Variants in C22orf23 observed in about 807,000 individuals in gnomAD.
C22orf23 encodes the protein UPF0193 protein EVG1.
Under a neutral mutation model 29.7 loss-of-function variants are expected in C22orf23, and 30 were observed. The ratio of observed to expected loss-of-function variants is 1.01; its 90% CI spans 0.76 to 1.37. The LOEUF (loss-of-function observed/expected upper bound fraction) is 1.37. Ranked by LOEUF, C22orf23 falls within the 40% of genes most tolerant of loss-of-function variation. The probability of loss-of-function intolerance (pLI) is 0.00; values close to 1 mark genes in which losing one functional copy is unlikely to be tolerated. For synonymous variants in C22orf23, 90 were observed against 96.1 expected, an observed-to-expected ratio of 0.94 and a Z score of 0.37; for missense variants, 237 against 273.1, an observed-to-expected ratio of 0.87 and a Z score of 0.93.
intron 3 of C22orf23, 136 bp from the exon 4 acceptor site, chr22:37,947,599 C>T (rs968801841): frequency 1.5e-6 from 1 of 679,162 alleles, no homozygotes; most frequent in Non-Finnish European, 2.3e-6. Flanking sequence ...CAACCTCTGC[C>T]TCTTAGGTTC....
At chr22:37,951,676 C>T (rs954355654) in intron 2 of C22orf23, 154 bp from the exon 3 acceptor site, 9 of 471,780 alleles carry the variant, frequency 1.9e-5, no homozygotes, top group Middle Eastern at 5.5e-4. Context: ...ATAGCACTTA[C>T]GACCACCTAA....
intron 4 of C22orf23, among the ~76,000 whole-genome samples, chr22:37,945,514 A>C (rs1601846927): frequency 8.2e-6 from 1 of 122,460 alleles, no homozygotes; most frequent in African/African-American, 3.1e-5. Context: ...TTTTTTTTTG[A>C]GACAAGGTCT....
intron 4 of C22orf23, among the ~76,000 whole-genome samples, chr22:37,946,325 C>G (rs942475929): frequency 4.6e-5 from 7 of 151,878 alleles, no homozygotes; most frequent in Admixed American, 2.6e-4. Context: ...ACTTGGGAGG[C>G]TGAGGCATGA....
intron 2 of C22orf23, 179 bp downstream of exon 2, chr22:37,952,868 G>A (rs1931145382): frequency 1.1e-5 from 6 of 561,570 alleles, no homozygotes; most frequent in Non-Finnish European, 1.9e-5. Flanking sequence ...TGTGAACTGC[G>A]CACGCGAGGG....
At chr22:37,948,926 T>C (rs1930857605) in intron 3 of C22orf23, among the ~76,000 whole-genome samples, 1 of 152,242 alleles carries the variant, frequency 6.6e-6, no homozygotes, top group Non-Finnish European at 1.5e-5. Context: ...TATATACTAG[T>C]ATCCTTAGAA....
In C22orf23 at chr22:37,944,333, AC is replaced by A. The variant is rs1216771896; in HGVS notation, c.582+83del. On this transcript the variant is annotated intron_variant, in intron 6 of 6. Transcript: ENST00000403305. The stretch of plus-strand genomic sequence containing the variant: ...CAGTGAGCTAGAGCCTGACCCCTGA[AC>A]CCTGCCACAGCAGACCCTGTATTTC... The A allele has an allele frequency of 6.2e-6, 10 of 1,613,248 alleles. No individual in the cohort carries two copies. In the African/African-American group the frequency reaches 9.3e-5, roughly 15 times the overall value.
intron 3 of C22orf23, among the ~76,000 whole-genome samples, chr22:37,948,557 GT>G (rs1458116122): frequency 6.6e-6 from 1 of 151,220 alleles, no homozygotes; most frequent in Non-Finnish European, 1.5e-5. Flanking sequence ...GGAGGTGGAG[GT>G]TGCAGTGAGC....
At chr22:37,950,045 C>G (rs895129223) in intron 3 of C22orf23, among the ~76,000 whole-genome samples, 2 of 152,050 alleles carry the variant, frequency 1.3e-5, no homozygotes, top group African/African-American at 4.8e-5. Context: ...AGCAATCCTC[C>G]TGCCTTAGCC....
At chr22:37,945,279 G>C in intron 4 of C22orf23, 106 bp from the exon 5 acceptor site, 1 of 1,401,492 alleles carries the variant, frequency 7.1e-7, no homozygotes, top group Non-Finnish European at 9.7e-7. Context: ...TGGTCATGCA[G>C]ACAGGGCTTC....
intron 2 of C22orf23, chr22:37,952,568 G>A (rs1234561066): frequency 4.4e-5 from 5 of 112,796 alleles, no homozygotes; most frequent in Non-Finnish European, 6.5e-5. Flanking sequence ...TAAGGCATAT[G>A]CAGTAGAATT....
intron 5 of C22orf23, 25 bp from the exon 6 acceptor site, chr22:37,944,542 G>T: frequency 6.3e-7 from 1 of 1,593,714 alleles, no homozygotes; most frequent in Non-Finnish European, 8.6e-7. Flanking sequence ...GGGCTGTCAG[G>T]TTCCCATGAG....
intron 3 of C22orf23, among the ~76,000 whole-genome samples, chr22:37,947,755 T>C (rs1930790521): frequency 6.6e-6 from 1 of 150,672 alleles, no homozygotes; most frequent in Admixed American, 6.6e-5. Flanking sequence ...TCCACCCACC[T>C]CGGCCTCCCA....
upstream of C22orf23, chr22:37,953,638 TC>T (rs995201170): frequency 3.2e-5 from 30 of 935,102 alleles, no homozygotes; most frequent in Middle Eastern, 3.3e-4. Context: ...ATGCGCACTT[TC>T]CCCGCTCTGT....
intron 3 of C22orf23, among the ~76,000 whole-genome samples, chr22:37,949,026 A>G (rs1301256935): frequency 2.0e-5 from 3 of 152,074 alleles, no homozygotes; most frequent in East Asian, 3.8e-4. Flanking sequence ...CAATGCTGCA[A>G]TAAACATTCT....
intron 3 of C22orf23, among the ~76,000 whole-genome samples, chr22:37,950,390 G>A (rs1280018383): frequency 6.6e-6 from 1 of 152,112 alleles, no homozygotes; most frequent in Admixed American, 6.6e-5. Context: ...GGGATTACAG[G>A]TGTGAGCTCC....
chr22:37,950,185 T>G (rs1242601322), intron 3 of C22orf23, among the ~76,000 whole-genome samples: 1 of 152,064 alleles, frequency 6.6e-6, no homozygotes, highest in Non-Finnish European at 1.5e-5. Flanking sequence ...TGGTCTCGGC[T>G]CGCTGCACCC....
rs1930542116 is a variant in C22orf23 at position 37,944,023 on chromosome 22, G to A, written c.*152C>T. ...TCCGGGGCAGGGGCTAGGCTGCTGA[G>A]TATGCCTTGGGGTACTGCAGGGCAG... On this transcript the variant is annotated 3_prime_UTR_variant, in exon 7 of 7. Coordinates refer to ENST00000403305, the MANE Select transcript of C22orf23 (RefSeq NM_032561.5). 1.4e-6 allele frequency: 1 copy of A among 717,456 alleles called. No homozygotes were observed. Among genetic ancestry groups the A allele is most frequent in the Non-Finnish European group, 2.5e-6 (1 of 400,770 alleles). The allele number at this position is 717,456 out of a possible 1,614,324, so 44.4% of individuals were successfully genotyped here.
Position 37,951,797 on chromosome 22 carries a change from C to CTTTTTTTTTTTTTTTTTTTTTTT in C22orf23, c.104-298_104-276dup, listed in dbSNP as rs551481283. ...CTGTTAAATATTTTTTCCTCTTTCT[C>CTTTTTTTTTTTTTTTTTTTTTTT]TTTTTTTTTTTTTTTTTTTTTTTTT... On this transcript the variant is annotated intron_variant, in intron 2 of 6. Transcript: ENST00000403305. The CTTTTTTTTTTTTTTTTTTTTTTT allele has an allele frequency of 1.3e-4, 5 of 38,722 alleles. 1 individual carries two copies. The highest frequency in any genetic ancestry group is 1.4e-4 in the Non-Finnish European group (3 of 21,768). The allele number at this position is 38,722 out of a possible 1,614,324, so 2.4% of individuals were successfully genotyped here.
intron 2 of C22orf23, among the ~76,000 whole-genome samples, chr22:37,952,046 C>A (rs1931075168): frequency 6.6e-6 from 1 of 151,944 alleles, no homozygotes; most frequent in Non-Finnish European, 1.5e-5. Flanking sequence ...AACTCCTAAC[C>A]TCAGGTGATC....
Sources: allele counts gnomAD v4.1 joint callset (sites outside exome capture counted in the v4.1 genomes callset), GRCh38; gene constraint gnomAD v4.1.1; transcripts MANE v1.5; gene names NCBI Gene and HGNC (gene_info 2026-07-23, HGNC 2026-07-21).